Variants in TRPA1 observed in about 807,000 individuals in gnomAD.
TRPA1 encodes the protein ankyrin-like with transmembrane domains 1.
TRPA1 carries 129 observed loss-of-function variants against 131.3 expected under a neutral mutation model. The ratio of observed to expected loss-of-function variants is 0.98; its 90% CI spans 0.85 to 1.14. The LOEUF (loss-of-function observed/expected upper bound fraction) is 1.14. Ranked by LOEUF, TRPA1 falls within the 50% of genes most tolerant of loss-of-function variation. TRPA1 has a pLI of 0.00. For synonymous variants in TRPA1, 441 were observed against 451.7 expected (o/e 0.98, Z 0.30); for missense variants, 1,304 against 1,354.2 (o/e 0.96, Z 0.58).
At chr8:72,075,247 G>T (rs368332960) in intron 1 of TRPA1, 52 bp downstream of exon 1, 20 of 1,436,626 alleles carry the variant, frequency 1.4e-5, no homozygotes, top group Non-Finnish European at 1.9e-5. Context: ...ACCTCCAGCC[G>T]ACCCCCGCCC....
Position 72,065,491 on chromosome 8 carries a change from A to G in TRPA1, c.512T>C (p.Ile171Thr), listed in dbSNP as rs767335401. ...TTCGCTATTATTTGTGGTGCACGCA[A>G]TGATCACAGCTGTGTTTCCATTTTC... is the stretch of plus-strand genomic sequence containing the variant. ...EGENGNTAVI[I>T]ACTTNNSEAL... Residue 171 changes from isoleucine (I) to threonine (T), a missense_variant, in exon 4 of 27, where the codon ATT becomes ACT. Physicochemically the swap from Ile to Thr is moderately conservative, Grantham distance 89. Coordinates refer to ENST00000262209, the MANE Select transcript of TRPA1 (RefSeq NM_007332.3). 2.5e-6 allele frequency: 4 copies of G among 1,613,566 alleles called. No homozygotes were observed. Among genetic ancestry groups the G allele is most frequent in the South Asian group, 2.2e-5 (2 of 91,076 alleles).
chr8:72,050,670 GA>G, intron 15 of TRPA1, 107 bp downstream of exon 15: 1 of 798,754 alleles, frequency 1.3e-6, no homozygotes, highest in Admixed American at 2.0e-5. Flanking sequence ...ACAGCCTATG[GA>G]AAATGAGAAG....
chr8:72,026,081 G>T lies in TRPA1; in HGVS notation c.2938-8C>A. Reference sequence around the variant, plus strand: ...GCTGGTATGAAGTTCCACCTAAAGTGCATTTTGGATTTATTGATAGAATCA... The same window carrying T: ...GCTGGTATGAAGTTCCACCTAAAGTTCATTTTGGATTTATTGATAGAATCA... On this transcript the variant is annotated splice_region_variant and splice_polypyrimidine_tract_variant and intron_variant, in intron 24 of 26. Coordinates refer to ENST00000262209, the MANE Select transcript of TRPA1 (RefSeq NM_007332.3). The T allele has an allele frequency of 1.2e-6, 2 of 1,608,922 alleles. No homozygotes were observed. The highest frequency in any genetic ancestry group is 1.7e-6 in the Non-Finnish European group (2 of 1,175,486).
chr8:72,030,396 T>C (rs1037292063), intron 23 of TRPA1, among the ~76,000 whole-genome samples: 3 of 152,166 alleles, frequency 2.0e-5, no homozygotes, highest in African/African-American at 7.2e-5. Flanking sequence ...ATTGAAATCA[T>C]AGCAAGGCCT....
chr8:72,059,390 C>T lies in TRPA1; in HGVS notation c.993G>A (p.Val331=). The change falls in exon 8 of 27, where the codon GTG becomes GTA. Residue 331 remains valine, a splice_region_variant and synonymous_variant. Transcript: ENST00000262209. ...HHELADYLIS[V]GADINKIDSE... ...ATAAACCAGTAAAAGGAATAGTTAC[C>T]ACTGAAATTAAATAGTCTGCTAGCT... 1 of 1,558,668 alleles carries T rather than the reference C, an allele frequency of 6.4e-7. No individual in the cohort carries two copies. Among genetic ancestry groups the T allele is most frequent in the Non-Finnish European group, 8.8e-7 (1 of 1,136,858 alleles).
intron 15 of TRPA1, among the ~76,000 whole-genome samples, chr8:72,050,164 A>G (rs1805464188): frequency 1.3e-5 from 2 of 151,998 alleles, no homozygotes; most frequent in African/African-American, 4.8e-5. Flanking sequence ...TCATTGTTCA[A>G]TTCCCACCTA....
At chr8:72,031,903 G>T (rs1811837507) in intron 23 of TRPA1, among the ~76,000 whole-genome samples, 1 of 152,192 alleles carries the variant, frequency 6.6e-6, no homozygotes, top group South Asian at 2.1e-4. Flanking sequence ...CACAAGGAAA[G>T]AACATCCAAT....
upstream of TRPA1, chr8:72,076,754 T>A (rs2129437209): frequency 6.6e-6 from 1 of 152,304 alleles, no homozygotes; most frequent in East Asian, 1.9e-4. Flanking sequence ...CAGGTTGCCA[T>A]CAATTCCACC....
chr8:72,025,284 G>A (rs1401638557), intron 25 of TRPA1, among the ~76,000 whole-genome samples: 1 of 152,080 alleles, frequency 6.6e-6, no homozygotes. Flanking sequence ...TAGTAAGTGA[G>A]TTCTCATGAG....
intron 13 of TRPA1, 90 bp downstream of exon 13, chr8:72,053,663 G>A: frequency 1.1e-6 from 1 of 915,510 alleles, no homozygotes; most frequent in Non-Finnish European, 1.8e-6. Context: ...GAGCAAGGAA[G>A]GTAAAAGGTG....
chr8:72,089,871 T>C, the TRPA1 span, among the ~76,000 whole-genome samples: 1 of 152,144 alleles, frequency 6.6e-6, no homozygotes, highest in African/African-American at 2.4e-5. Flanking sequence ...CAGAAACCTG[T>C]ACTCATCTTG....
chr8:72,087,745 G>A, the TRPA1 span, among the ~76,000 whole-genome samples: 2 of 151,502 alleles, frequency 1.3e-5, no homozygotes, highest in Non-Finnish European at 2.9e-5. Flanking sequence ...TTATTCTAAT[G>A]CCCTGCTTTG....
At chr8:72,028,694 C>T (rs1246495899) in intron 24 of TRPA1, among the ~76,000 whole-genome samples, 1 of 152,162 alleles carries the variant, frequency 6.6e-6, no homozygotes, top group African/African-American at 2.4e-5. Flanking sequence ...AGCTGGTGTG[C>T]TAAGTAGGCA....
In TRPA1 at chr8:72,062,933, C is replaced by T. The variant is rs754487852; in HGVS notation, c.673G>A (p.Gly225Arg). 6.2e-7 allele frequency: 1 copy of T among 1,613,758 alleles called. No individual in the cohort carries two copies. The highest frequency in any genetic ancestry group is 1.1e-5 in the South Asian group (1 of 91,056). ...TTAATGTGCAACTGTCTACTGTACC[C>T]ATGCTCTTCACCTTGAGAAGAAAAT... ...EIILRFGEEH[G>R]YSRQLHINFM... The change falls in exon 6 of 27, where the codon GGG becomes AGG. Residue 225 changes from glycine (G) to arginine (R), a missense_variant. Coordinates refer to ENST00000262209, the MANE Select transcript of TRPA1 (RefSeq NM_007332.3).
intron 10 of TRPA1, chr8:72,056,108 G>T: frequency 1.9e-6 from 1 of 525,114 alleles, no homozygotes; most frequent in South Asian, 2.3e-5. Flanking sequence ...CATGCCAATA[G>T]GAAAATGTAC....
At chr8:72,083,822 C>T in the TRPA1 span, among the ~76,000 whole-genome samples, 2 of 152,066 alleles carry the variant, frequency 1.3e-5, no homozygotes, top group African/African-American at 4.8e-5. Flanking sequence ...ATCTGTTTCC[C>T]ATGTGGTTTG....
intron 14 of TRPA1, 127 bp downstream of exon 14, chr8:72,052,472 A>C (rs1805533571): frequency 8.3e-7 from 1 of 1,199,062 alleles, no homozygotes; most frequent in African/African-American, 1.5e-5. Context: ...AAATTGATGT[A>C]AACAACTGAT....
chr8:72,050,829 G>T lies in TRPA1; in HGVS notation c.1854C>A (p.Gly618=). 6 of 1,611,818 alleles carry T rather than the reference G, an allele frequency of 3.7e-6. No individual in the cohort carries two copies. The highest frequency in any genetic ancestry group is 3.4e-6 in the Non-Finnish European group (4 of 1,178,954). Reference sequence around the variant, plus strand: ...TCATTTCTGTAATTGGACATTTATTGCCTGGAGAATTATGACTGAAAATCT... The same window carrying T: ...TCATTTCTGTAATTGGACATTTATTTCCTGGAGAATTATGACTGAAAATCT... ...CLKIFSHNSP[G]NKCPITEMIE... is the part of the protein sequence containing the mutation. Residue 618 remains glycine (G), a synonymous_variant, in exon 15 of 27, where the codon GGC becomes GGA. Transcript: ENST00000262209.
chr8:72,068,946 C>T (rs1805990716), intron 3 of TRPA1, 77 bp downstream of exon 3: 1 of 1,497,450 alleles, frequency 6.7e-7, no homozygotes, highest in African/African-American at 1.4e-5. Flanking sequence ...CATCCTGGTG[C>T]AAGCAGAGAG....
Sources: allele counts gnomAD v4.1 joint callset (sites outside exome capture counted in the v4.1 genomes callset), GRCh38; gene constraint gnomAD v4.1.1; transcripts MANE v1.5; gene names NCBI Gene and HGNC (gene_info 2026-07-23, HGNC 2026-07-21).